GPM6B: variants seen among roughly 807,000 people sequenced by gnomAD.
The protein encoded by GPM6B is neuronal membrane glycoprotein M6-b.
In GPM6B, 4 loss-of-function variants were observed where a neutral mutation model predicts 27.2. That is an observed-to-expected ratio of 0.15 (90% CI 0.07 to 0.34). The LOEUF is 0.34. GPM6B is among the 10% of genes least tolerant of loss of function. GPM6B has a pLI of 1.00. For synonymous variants in GPM6B, 124 were observed against 103.1 expected (o/e 1.20, Z -1.23); for missense variants, 183 against 261.9 (o/e 0.70, Z 2.08).
chrX:13,900,711 C>T (rs144369956), intron 1 of GPM6B, among the ~76,000 whole-genome samples: 1,552 of 111,852 alleles, frequency 0.014, 29 homozygotes, highest in African/African-American at 0.047. Context: ...TCCAAAGCTG[C>T]TTAACTTTTA....
At chrX:13,846,666 AT>A (rs903945630) in intron 1 of GPM6B, among the ~76,000 whole-genome samples, 1 of 106,238 alleles carries the variant, frequency 9.4e-6, no homozygotes, top group South Asian at 4.2e-4. Context: ...AAATTTTTGT[AT>A]TTTTTTTAGT....
intron 1 of GPM6B, among the ~76,000 whole-genome samples, chrX:13,913,967 G>C (rs1359799141): frequency 1.8e-5 from 2 of 110,339 alleles, no homozygotes; most frequent in Non-Finnish European, 3.8e-5. Flanking sequence ...GCCCAGGCTG[G>C]TCCCGAACTC....
chrX:13,828,916 G>C (rs1259298861), intron 1 of GPM6B, among the ~76,000 whole-genome samples: 2 of 112,003 alleles, frequency 1.8e-5, no homozygotes, highest in Non-Finnish European at 1.9e-5. Flanking sequence ...TGGCCAAGGT[G>C]GTCAAGAAGC....
chrX:13,876,618 C>CA (rs781110529), intron 1 of GPM6B, among the ~76,000 whole-genome samples: 125 of 111,561 alleles, frequency 1.1e-3, no homozygotes, highest in African/African-American at 3.9e-3. Context: ...GCCAGATGGT[C>CA]AATGGTGGTC....
At chrX:13,817,452 G>T, upstream of GPM6B, 1 of 500,158 alleles carries the variant, frequency 2.0e-6, no homozygotes, top group Non-Finnish European at 2.5e-6. Context: ...CCCACCACGT[G>T]ACTTTGTTGG....
chrX:13,823,660 T>C (rs55646686), intron 1 of GPM6B, among the ~76,000 whole-genome samples: 52,747 of 109,271 alleles, frequency 0.48, 9,408 homozygotes, highest in African/African-American at 0.53. Flanking sequence ...GCTGGGACTA[T>C]AGGCGTGTGC....
chrX:13,906,650 T>C (rs762250734), intron 1 of GPM6B, among the ~76,000 whole-genome samples: 2 of 112,415 alleles, frequency 1.8e-5, no homozygotes, highest in South Asian at 7.4e-4. Context: ...TTTCTAGACA[T>C]AGAGCAAATA....
chrX:13,906,061 T>C (rs16979353), intron 1 of GPM6B, among the ~76,000 whole-genome samples: 3,906 of 112,355 alleles, frequency 0.035, 177 homozygotes, highest in African/African-American at 0.12. Context: ...ATAAAGAACA[T>C]CTCGAAACCT....
chrX:13,849,929 C>T (rs933948369), intron 1 of GPM6B, among the ~76,000 whole-genome samples: 1 of 110,702 alleles, frequency 9.0e-6, no homozygotes, highest in East Asian at 2.8e-4. Flanking sequence ...CATGGTGGCA[C>T]GCACCTGTAG....
chrX:13,804,118 G>A (rs1257998228), intron 2 of GPM6B, among the ~76,000 whole-genome samples: 1 of 111,400 alleles, frequency 9.0e-6, no homozygotes, highest in East Asian at 2.8e-4. Context: ...TTATGAAAAT[G>A]CAGATTCTGA....
intron 3 of GPM6B, 75 bp from the exon 4 acceptor site, chrX:13,783,596 G>A (rs192886758): frequency 2.0e-5 from 17 of 837,963 alleles, no homozygotes; most frequent in Admixed American, 5.5e-5. Context: ...ACGCTGGAGA[G>A]AGGACATGAG....
chrX:13,778,806 G>C (rs1342383557), intron 5 of GPM6B, among the ~76,000 whole-genome samples: 1 of 111,757 alleles, frequency 8.9e-6, no homozygotes, highest in Non-Finnish European at 1.9e-5. Flanking sequence ...CCAACTTTAG[G>C]CTCCGTTTTT....
chrX:13,809,989 A>T (rs920294580), intron 1 of GPM6B, among the ~76,000 whole-genome samples: 1 of 106,908 alleles, frequency 9.4e-6, no homozygotes, highest in Non-Finnish European at 1.9e-5. Context: ...ATGGTGGCAT[A>T]CGCCTATAGT....
intron 1 of GPM6B, among the ~76,000 whole-genome samples, chrX:13,915,465 C>G (rs184046344): frequency 6.3e-5 from 7 of 111,223 alleles, no homozygotes; most frequent in Non-Finnish European, 1.3e-4. Context: ...CCCAACAAAC[C>G]AAATCAATCA....
At position 13,772,706 on chromosome X, in the gene GPM6B, A is replaced by G; in HGVS notation, c.*175T>C. On this transcript the variant is annotated 3_prime_UTR_variant, in exon 8 of 8. Transcript: ENST00000316715. ...AACCTCCAATATTTGTTCTAAAGAA[A>G]AAGATTTACCCACTGGAAGGTTTTC... 1 of 359,471 alleles carries G rather than the reference A, an allele frequency of 2.8e-6. No individual in the cohort carries two copies. The highest frequency in any genetic ancestry group is 4.8e-6 in the Non-Finnish European group (1 of 210,091). 29.6% of individuals were successfully genotyped at this position (359,471 alleles called of 1,213,427 possible). A position where few individuals can be genotyped will look rare whatever the true frequency, so the allele number is the denominator to read the frequency against.
chrX:13,840,385 A>ACGACCTCCCTGCCTGCGGGCTC (rs1187605183), intron 1 of GPM6B, among the ~76,000 whole-genome samples: 5 of 111,331 alleles, frequency 4.5e-5, no homozygotes, highest in Non-Finnish European at 3.8e-5. Flanking sequence ...CAATTTTAGC[A>ACGACCTCCCTGCCTGCGGGCTC]CGACCTCCCT....
intron 1 of GPM6B, among the ~76,000 whole-genome samples, chrX:13,900,931 G>A (rs766897333): frequency 2.1e-3 from 231 of 111,677 alleles, no homozygotes; most frequent in African/African-American, 7.1e-3. Context: ...CATGGTGAAC[G>A]CAGGAGGAAG....
At chrX:13,927,371 A>G (rs1348976752) in intron 1 of GPM6B, among the ~76,000 whole-genome samples, 1 of 112,705 alleles carries the variant, frequency 8.9e-6, no homozygotes, top group Non-Finnish European at 1.9e-5. Context: ...CAAAGCATTC[A>G]TTTTGCTGAC....
At chrX:13,916,357 A>G (rs1461083616) in intron 1 of GPM6B, among the ~76,000 whole-genome samples, 1 of 112,060 alleles carries the variant, frequency 8.9e-6, no homozygotes, top group Non-Finnish European at 1.9e-5. Flanking sequence ...GTCATTGCTC[A>G]CGTCTCCAAA....
Sources: allele counts gnomAD v4.1 joint callset (sites outside exome capture counted in the v4.1 genomes callset), GRCh38; gene constraint gnomAD v4.1.1; transcripts MANE v1.5; gene names NCBI Gene and HGNC (gene_info 2026-07-23, HGNC 2026-07-21).